The following ZNF567 variants were observed in gnomAD, a reference collection of about 807,000 sequenced individuals.
The protein encoded by ZNF567 is zinc finger protein 567.
ZNF567 carries 36 observed loss-of-function variants against 53.9 expected under a neutral mutation model. The ratio of observed to expected loss-of-function variants is 0.67; its 90% CI spans 0.51 to 0.88. ZNF567 has a LOEUF of 0.88. ZNF567 is among the 40% of genes least tolerant of loss of function. ZNF567 has a pLI of 0.00. For missense variants in ZNF567, 619 were observed against 764.7 expected, an observed-to-expected ratio of 0.81 and a Z score of 2.25; for synonymous variants, 224 against 260.4, an observed-to-expected ratio of 0.86 and a Z score of 1.35.
At chr19:36,699,852 A>G (rs1454331476) in intron 3 of ZNF567, among the ~76,000 whole-genome samples, 82 of 146,198 alleles carry the variant, frequency 5.6e-4, no homozygotes, top group African/African-American at 1.7e-3. Flanking sequence ...TAGATATACA[A>G]TCATGTCGTC....
downstream of ZNF567, among the ~76,000 whole-genome samples, chr19:36,721,556 T>G (rs906942044): frequency 3.3e-5 from 5 of 152,154 alleles, no homozygotes; most frequent in African/African-American, 1.2e-4. Context: ...CTCTCAATGC[T>G]TAAATGCAAA....
At chr19:36,679,820 G>A in the ZNF567 span, among the ~76,000 whole-genome samples, 1 of 151,514 alleles carries the variant, frequency 6.6e-6, no homozygotes, top group Non-Finnish European at 1.5e-5. Context: ...ACCAAAGGTT[G>A]GGGGGTGGGG....
chr19:36,681,917 A>G, the ZNF567 span, among the ~76,000 whole-genome samples: 18 of 152,096 alleles, frequency 1.2e-4, no homozygotes, highest in Admixed American at 1.2e-3. Flanking sequence ...TAGTAGTATA[A>G]GACTTAAGAC....
chr19:36,682,912 T>C (rs2038208705), upstream of ZNF567, among the ~76,000 whole-genome samples: 1 of 151,990 alleles, frequency 6.6e-6, no homozygotes, highest in Non-Finnish European at 1.5e-5. Flanking sequence ...CAGCTGGGTT[T>C]ATTTTTTTAA....
In ZNF567 at chr19:36,719,114, A is replaced by G. The variant is rs1459363532; in HGVS notation, c.390A>G (p.Leu130=). 6.2e-7 allele frequency: 1 copy of G among 1,611,586 alleles called. No homozygotes were observed. ...LGKNPVNSKN[L]PPEYDTHGRI... ...AAAACCCTGTGAATTCAAAAAATCT[A>G]CCTCCTGAATATGATACTCATGGAA... The change falls in exon 6 of 6, where the codon CTA becomes CTG. Residue 130 remains leucine, a synonymous_variant. Coordinates refer to ENST00000682579, the MANE Select transcript of ZNF567 (RefSeq NM_001322917.1).
intron 5 of ZNF567, among the ~76,000 whole-genome samples, chr19:36,717,527 A>G (rs1049721127): frequency 6.6e-6 from 1 of 152,218 alleles, no homozygotes; most frequent in Non-Finnish European, 1.5e-5. Flanking sequence ...TCTGTCAGGT[A>G]TGTGGACAAC....
intron 5 of ZNF567, among the ~76,000 whole-genome samples, chr19:36,713,716 C>G (rs1459975607): frequency 6.6e-6 from 1 of 152,144 alleles, no homozygotes; most frequent in Non-Finnish European, 1.5e-5. Context: ...GGGCAGATCA[C>G]CTGAGGTCAG....
At chr19:36,673,470 C>G in the ZNF567 span, among the ~76,000 whole-genome samples, 1 of 152,088 alleles carries the variant, frequency 6.6e-6, no homozygotes, top group African/African-American at 2.4e-5. Context: ...AATGGATGAG[C>G]CTCATTCAAT....
Position 36,694,783 on chromosome 19 carries a change from C to CT in ZNF567, c.-66-18dup, listed in dbSNP as rs1172115063. On this transcript the variant is annotated intron_variant, in intron 2 of 5. Coordinates refer to ENST00000682579, the MANE Select transcript of ZNF567 (RefSeq NM_001322917.1). The stretch of plus-strand genomic sequence containing the variant: ...TGTGGTCTCATGTGGCTTTTTTTGT[C>CT]TCGGCTTTGCCTCCTTAGGAACTGC... 7.2e-7 allele frequency: 1 copy of CT among 1,390,580 alleles called. No individual in the cohort carries two copies. Among genetic ancestry groups the CT allele is most frequent in the Non-Finnish European group, 9.6e-7 (1 of 1,044,622 alleles). The allele number at this position is 1,390,580 out of a possible 1,614,324, so 86.1% of individuals were successfully genotyped here. A position where few individuals can be genotyped will look rare whatever the true frequency, so the allele number is the denominator to read the frequency against.
At chr19:36,704,206 A>G (rs1465766310) in intron 3 of ZNF567, among the ~76,000 whole-genome samples, 1 of 152,166 alleles carries the variant, frequency 6.6e-6, no homozygotes, top group Non-Finnish European at 1.5e-5. Flanking sequence ...TTGGGAGGCC[A>G]GGGCAGGCGA....
At chr19:36,710,887 T>G (rs143417608) in intron 3 of ZNF567, among the ~76,000 whole-genome samples, 1 of 152,310 alleles carries the variant, frequency 6.6e-6, no homozygotes, top group Non-Finnish European at 1.5e-5. Context: ...AGGTGCACTT[T>G]TATTTTTCAA....
downstream of ZNF567, among the ~76,000 whole-genome samples, chr19:36,724,192 G>A (rs2040325174): frequency 1.3e-5 from 2 of 151,314 alleles, no homozygotes; most frequent in Admixed American, 6.6e-5. Flanking sequence ...TTTTAGTAGA[G>A]ATAGGGTTTC....
At chr19:36,676,281 G>C in the ZNF567 span, among the ~76,000 whole-genome samples, 2 of 151,216 alleles carry the variant, frequency 1.3e-5, no homozygotes, top group Non-Finnish European at 2.9e-5. Context: ...GGCCAGGCTG[G>C]TCTCGAACCT....
chr19:36,691,661 C>G (rs1195390534), intron 2 of ZNF567, among the ~76,000 whole-genome samples: 5 of 152,154 alleles, frequency 3.3e-5, no homozygotes, highest in African/African-American at 1.2e-4. Context: ...TCCAATCACC[C>G]TGGCACAGAA....
downstream of ZNF567, chr19:36,723,333 A>G (rs1415320193): frequency 1.4e-6 from 1 of 692,004 alleles, no homozygotes; most frequent in African/African-American, 1.8e-5. Context: ...CAAAAAATAA[A>G]AAGTATCTGT....
chr19:36,727,390 T>TG (rs1272066612), downstream of ZNF567: 1 of 151,276 alleles, frequency 6.6e-6, no homozygotes, highest in Non-Finnish European at 1.5e-5. Context: ...CAATTTTTTT[T>TG]TTTTTTTGAG....
chr19:36,723,129 G>A, downstream of ZNF567: 1 of 702,480 alleles, frequency 1.4e-6, no homozygotes, highest in South Asian at 1.5e-5. Flanking sequence ...TGCTAACAGT[G>A]GTGACTAACA....
Position 36,699,134 on chromosome 19 carries a change from A to G in ZNF567, c.9+4258A>G, listed in dbSNP as rs1600518014. 2.0e-5 allele frequency among the ~76,000 whole-genome samples: 3 copies of G among 152,166 alleles called. No individual in the cohort carries two copies. The East Asian group carries it at 5.8e-4, about 29-fold the overall frequency. On this transcript the variant is annotated intron_variant, in intron 3 of 5. Transcript: ENST00000682579. ...GGAAGGGATCCAGTTTCAGCTTTCT[A>G]CATATGGCTAGCCAGTTTTCCCAGC...
Position 36,690,931 on chromosome 19 carries a change from C to T in ZNF567, c.-67+1434C>T, listed in dbSNP as rs112759637. 3.2e-3 allele frequency among the ~76,000 whole-genome samples: 487 copies of T among 152,246 alleles called. 1 individual carries two copies. The highest frequency in any genetic ancestry group is 0.011 in the African/African-American group (471 of 41,528). ...TTAGTCAATTTCAGGTATAATAGGACCTACCTCACTCAGGGTTTTTGTGAG... is the reference window on the plus strand; with the variant it reads ...TTAGTCAATTTCAGGTATAATAGGATCTACCTCACTCAGGGTTTTTGTGAG... On this transcript the variant is annotated intron_variant, in intron 2 of 5. Coordinates refer to ENST00000682579, the MANE Select transcript of ZNF567 (RefSeq NM_001322917.1).
Sources: allele counts gnomAD v4.1 joint callset (sites outside exome capture counted in the v4.1 genomes callset), GRCh38; gene constraint gnomAD v4.1.1; transcripts MANE v1.5; gene names NCBI Gene and HGNC (gene_info 2026-07-23, HGNC 2026-07-21).